NEDD9: variants seen among roughly 807,000 people sequenced by gnomAD.
NEDD9 encodes enhancer of filamentation 1.
Under a neutral mutation model 76.6 loss-of-function variants are expected in NEDD9, and 26 were observed. The ratio of observed to expected loss-of-function variants is 0.34; its 90% confidence interval spans 0.25 to 0.47. The LOEUF (loss-of-function observed/expected upper bound fraction) is 0.47, where lower values mean the gene tolerates loss of function less well. Ranked by LOEUF, NEDD9 falls within the 20% of genes least tolerant of loss-of-function variation. The pLI, the probability that NEDD9 is intolerant of heterozygous loss-of-function variation, is 1.00. For missense variants in NEDD9, 937 were observed against 1,058.5 expected, an observed-to-expected ratio of 0.89 and a Z score of 1.59; for synonymous variants, 392 against 414.2, an observed-to-expected ratio of 0.95 and a Z score of 0.65.
In NEDD9 at chr6:11,295,350, T is replaced by C. The variant is rs75809504; in HGVS notation, c.12+10642A>G. On this transcript the variant is annotated intron_variant, in intron 3 of 3. Transcript: ENST00000397378. ...CATTATCAGATGGATGGTTTGCAAATATTTTCTCCCATTCTGTAGGGTGCG... is the reference window on the plus strand; with the variant it reads ...CATTATCAGATGGATGGTTTGCAAACATTTTCTCCCATTCTGTAGGGTGCG... Among the ~76,000 whole-genome samples, 621 of 152,344 alleles carry C rather than the reference T, an allele frequency of 4.1e-3. 6 individuals are homozygous for C. In the East Asian group the frequency reaches 0.053, roughly 13 times the overall value.
chr6:11,288,262 C>T (rs1760691907), intron 3 of NEDD9, among the ~76,000 whole-genome samples: 1 of 152,188 alleles, frequency 6.6e-6, no homozygotes, highest in Non-Finnish European at 1.5e-5. Flanking sequence ...GTGGTGTTTA[C>T]CTTAAAGAGT....
intron 1 of NEDD9, among the ~76,000 whole-genome samples, chr6:11,225,428 C>G (rs1186958736): frequency 6.6e-6 from 1 of 152,204 alleles, no homozygotes; most frequent in Non-Finnish European, 1.5e-5. Flanking sequence ...ACCGTGTAAG[C>G]ACCAGAAGCA....
chr6:11,374,760 C>T (rs987414326), intron 1 of NEDD9, among the ~76,000 whole-genome samples: 1 of 152,188 alleles, frequency 6.6e-6, no homozygotes, highest in African/African-American at 2.4e-5. Context: ...GGGAACAATA[C>T]TTTTGTAAAT....
At chr6:11,207,063 A>T (rs1758638885) in intron 2 of NEDD9, among the ~76,000 whole-genome samples, 1 of 152,260 alleles carries the variant, frequency 6.6e-6, no homozygotes, top group South Asian at 2.1e-4. Flanking sequence ...GAGGAAACCG[A>T]AGTACCCTCT....
At chr6:11,306,266 C>G (rs1377950069) in intron 2 of NEDD9, 1 of 524,274 alleles carries the variant, frequency 1.9e-6, no homozygotes, top group African/African-American at 1.9e-5. Context: ...AATCCATAGT[C>G]TTGTGAATGG....
chr6:11,213,160 A>G lies in NEDD9; in HGVS notation c.459+121T>C, dbSNP rs915036071. Reference sequence around the variant, plus strand: ...GCAAACATGATGCCTGAGCTAAGGTATTGGTTATATCTACTTCTTGGCAGC... The same window carrying G: ...GCAAACATGATGCCTGAGCTAAGGTGTTGGTTATATCTACTTCTTGGCAGC... On this transcript the variant is annotated intron_variant, in intron 2 of 6. Coordinates refer to ENST00000379446, the MANE Select transcript of NEDD9 (RefSeq NM_006403.4). This position sits in a 1 kb window ranked among gnomAD's most constrained non-coding sequence, Gnocchi z 5.4. 7.8e-6 allele frequency: 7 copies of G among 894,444 alleles called. No individual in the cohort carries two copies. The African/African-American group carries it at 1.2e-4, about 15-fold the overall frequency. The allele number at this position is 894,444 out of a possible 1,614,324, so 55.4% of individuals were successfully genotyped here. A position where few individuals can be genotyped will look rare whatever the true frequency, so the allele number is the denominator to read the frequency against.
Position 11,241,577 on chromosome 6 carries a change from C to T in NEDD9, c.13-27850G>A, listed in dbSNP as rs767835901. On this transcript the variant is annotated intron_variant, in intron 3 of 3. Transcript: ENST00000397378. This position sits in a 1 kb window ranked among gnomAD's most constrained non-coding sequence, Gnocchi z 4.0. ...CACACTGGCCTCCGGAAGCCATCTT[C>T]CACACCAGCCATCCAGCATAGCTCC... Among the ~76,000 whole-genome samples the T allele has an allele frequency of 2.1e-4, 32 of 152,200 alleles. No homozygotes were observed. Among genetic ancestry groups the T allele is most frequent in the Admixed American group, 7.2e-4 (11 of 15,280 alleles).
chr6:11,229,561 G>A (rs1759408208), intron 1 of NEDD9, among the ~76,000 whole-genome samples: 1 of 151,874 alleles, frequency 6.6e-6, no homozygotes, highest in African/African-American at 2.4e-5. Flanking sequence ...CAAGGCCATC[G>A]AGGCAATCAC....
upstream of NEDD9, among the ~76,000 whole-genome samples, chr6:11,236,009 T>G (rs1012674757): frequency 2.0e-5 from 3 of 152,210 alleles, no homozygotes; most frequent in Non-Finnish European, 4.4e-5. The surrounding 1 kb of genome is among the most constrained non-coding windows in gnomAD (Gnocchi z 5.5). Context: ...TAATGCAGCT[T>G]AAATAATGCA....
At chr6:11,202,648 C>T (rs757600852) in intron 2 of NEDD9, among the ~76,000 whole-genome samples, 9 of 152,170 alleles carry the variant, frequency 5.9e-5, no homozygotes, top group Non-Finnish European at 1.0e-4. Flanking sequence ...TTGGGTGTAG[C>T]AGTGAGCTCA....
chr6:11,235,716 G>C (rs556455576), upstream of NEDD9, among the ~76,000 whole-genome samples: 1 of 152,168 alleles, frequency 6.6e-6, no homozygotes, highest in Non-Finnish European at 1.5e-5. This position sits in a 1 kb window ranked among gnomAD's most constrained non-coding sequence, Gnocchi z 4.1. Flanking sequence ...GAGATCTAGG[G>C]GATGAGCATT....
intron 1 of NEDD9, among the ~76,000 whole-genome samples, chr6:11,351,801 T>C (rs147742118): frequency 2.6e-4 from 39 of 152,384 alleles, no homozygotes; most frequent in African/African-American, 9.4e-4. Flanking sequence ...CATGTAAAAC[T>C]TATATTCTAT....
chr6:11,188,298 C>T lies in NEDD9; in HGVS notation c.1915G>A (p.Glu639Lys), dbSNP rs1292258786. 3.7e-6 allele frequency: 6 copies of T among 1,613,114 alleles called. No individual in the cohort carries two copies. Among genetic ancestry groups the T allele is most frequent in the African/African-American group, 1.3e-5 (1 of 74,908 alleles). The part of the protein sequence containing the change: ...YDYVHLQGKE[E>K]FERQQKELLE... The stretch of plus-strand genomic sequence containing the variant: ...AGCTCTTTCTGTTGCCTCTCAAACT[C>T]CTCCTTACCCTGTTAATTTTCAACA... Residue 639 changes from glutamate to lysine, a missense_variant, in exon 6 of 7, where the codon GAG (glutamate) becomes AAG (lysine). Glu to Lys is a moderately conservative substitution (Grantham distance 56). Transcript: ENST00000379446.
chr6:11,366,007 T>A (rs1163791743), intron 1 of NEDD9, among the ~76,000 whole-genome samples: 1 of 143,508 alleles, frequency 7.0e-6, no homozygotes, highest in East Asian at 2.1e-4. Context: ...AGAAAGAGGC[T>A]GGGCGTGGTG....
Position 11,366,552 on chromosome 6 carries a change from G to A in NEDD9, c.-214+15587C>T, listed in dbSNP as rs566348450. ...CATACTTACAGTAGATTTTCTCATG[G>A]GATAGCCATTAGAGGTTGGCACTTT... On this transcript the variant is annotated intron_variant, in intron 1 of 3. Coordinates refer to the NEDD9 transcript ENST00000397378. 1.3e-5 allele frequency among the ~76,000 whole-genome samples: 2 copies of A among 152,152 alleles called. 1 individual carries two copies. The highest frequency in any genetic ancestry group is 2.9e-5 in the Non-Finnish European group (2 of 68,026).
chr6:11,349,594 T>G (rs1429287312), intron 1 of NEDD9, among the ~76,000 whole-genome samples: 1 of 152,200 alleles, frequency 6.6e-6, no homozygotes, highest in African/African-American at 2.4e-5. Context: ...GCAGCCATAT[T>G]AAAGAATGAG....
intron 2 of NEDD9, among the ~76,000 whole-genome samples, chr6:11,312,255 C>G (rs1459656552): frequency 6.6e-6 from 1 of 152,118 alleles, no homozygotes; most frequent in East Asian, 1.9e-4. Flanking sequence ...CAGCTTTGGT[C>G]TCCTCTCAGT....
intron 2 of NEDD9, among the ~76,000 whole-genome samples, chr6:11,322,509 C>T (rs1475227625): frequency 1.3e-5 from 2 of 152,104 alleles, no homozygotes; most frequent in Non-Finnish European, 1.5e-5. Context: ...TTGCCATTGT[C>T]AGACATGTGG....
At chr6:11,324,046 A>C (rs1561835194) in intron 2 of NEDD9, among the ~76,000 whole-genome samples, 1 of 152,202 alleles carries the variant, frequency 6.6e-6, no homozygotes. Flanking sequence ...GTCCAGACAC[A>C]TGAAACGAAC....
Sources: allele counts gnomAD v4.1 joint callset (sites outside exome capture counted in the v4.1 genomes callset), GRCh38; gene constraint gnomAD v4.1.1; non-coding constraint Gnocchi (gnomAD v3.1); transcripts MANE v1.5; gene names NCBI Gene and HGNC (gene_info 2026-07-23, HGNC 2026-07-21).